HIVEP3: variants seen among roughly 807,000 people sequenced by gnomAD.
HIVEP3 encodes transcription factor HIVEP3.
Under a neutral mutation model 152.8 loss-of-function variants are expected in HIVEP3, and 49 were observed. The observed-to-expected ratio is 0.32, with a 90% CI of 0.26 to 0.41. The LOEUF (loss-of-function observed/expected upper bound fraction) is 0.41. HIVEP3 is among the 10% of genes least tolerant of loss of function. The pLI, the probability that HIVEP3 is intolerant of heterozygous loss-of-function variation, is 1.00. For synonymous variants in HIVEP3, 1,269 were observed against 1,289.0 expected, an observed-to-expected ratio of 0.98 and a Z score of 0.33; for missense variants, 2,790 against 3,103.3, an observed-to-expected ratio of 0.90 and a Z score of 2.40.
At chr1:41,912,193 A>T (rs1206252233) in intron 1 of HIVEP3, among the ~76,000 whole-genome samples, 1 of 152,188 alleles carries the variant, frequency 6.6e-6, no homozygotes, top group Admixed American at 6.5e-5. Flanking sequence ...GAAGAGAAGG[A>T]ATGGGATAGG....
At chr1:41,730,050 G>T in intron 1 of HIVEP3, among the ~76,000 whole-genome samples, 1 of 152,306 alleles carries the variant, frequency 6.6e-6, no homozygotes, top group Non-Finnish European at 1.5e-5. Context: ...GGGGTTGAGC[G>T]TGTTTAACCT....
intron 3 of HIVEP3, among the ~76,000 whole-genome samples, chr1:41,610,704 C>T (rs941380289): frequency 4.6e-5 from 7 of 152,142 alleles, no homozygotes; most frequent in Non-Finnish European, 8.8e-5. Flanking sequence ...CCAGGGAGCC[C>T]GGTTTAATTC....
intron 1 of HIVEP3, among the ~76,000 whole-genome samples, chr1:41,717,258 T>C (rs1444244875): frequency 6.6e-6 from 1 of 152,208 alleles, no homozygotes; most frequent in African/African-American, 2.4e-5. Context: ...TTTCCCTTAT[T>C]CCCTCCAACC....
At chr1:41,773,566 T>A (rs1648510342) in intron 1 of HIVEP3, among the ~76,000 whole-genome samples, 1 of 152,234 alleles carries the variant, frequency 6.6e-6, no homozygotes, top group Non-Finnish European at 1.5e-5. Flanking sequence ...GCTGTTTTGG[T>A]GCTCTGGCAC....
At position 41,791,582 on chromosome 1, in the gene HIVEP3, G is replaced by A. The variant is rs349438; in HGVS notation, c.-800-90587C>T. On this transcript the variant is annotated intron_variant, in intron 1 of 8. Coordinates refer to ENST00000372583, the MANE Select transcript of HIVEP3 (RefSeq NM_024503.5). ...AGAATGAAAATCATGCTCTATGGAT[G>A]GAGAGGCCAAAGAGAGAAGTTGCCT... Among the ~76,000 whole-genome samples the A allele has an allele frequency of 3.3e-3, 481 of 144,204 alleles. 3 individuals are homozygous for A. Among genetic ancestry groups the A allele is most frequent in the African/African-American group, 0.013 (464 of 36,928 alleles). 94.6% of individuals were successfully genotyped at this position (144,204 alleles called of 152,430 possible).
chr1:41,745,942 A>G (rs1171906561), intron 1 of HIVEP3, among the ~76,000 whole-genome samples: 1 of 152,198 alleles, frequency 6.6e-6, no homozygotes, highest in Non-Finnish European at 1.5e-5. Context: ...AGAATCCTCA[A>G]TCAGTATCTG....
intron 2 of HIVEP3, among the ~76,000 whole-genome samples, chr1:41,695,591 C>G (rs1213600298): frequency 6.6e-6 from 1 of 152,136 alleles, no homozygotes; most frequent in Middle Eastern, 3.2e-3. Flanking sequence ...CCAAGAGCCA[C>G]AGTAGAGATC....
intron 3 of HIVEP3, among the ~76,000 whole-genome samples, chr1:41,598,875 G>A (rs1196751013): frequency 6.6e-6 from 1 of 151,036 alleles, no homozygotes; most frequent in Non-Finnish European, 1.5e-5. Flanking sequence ...GAGTGTAATG[G>A]CACAATTTCA....
intron 1 of HIVEP3, among the ~76,000 whole-genome samples, chr1:42,001,961 T>C (rs1645430725): frequency 6.6e-6 from 1 of 152,046 alleles, no homozygotes; most frequent in African/African-American, 2.4e-5. Flanking sequence ...CCTGCACTTG[T>C]TCTGATTGGT....
In HIVEP3 at chr1:41,510,735, C is replaced by T. The variant is rs201422845; in HGVS notation, c.6937G>A (p.Asp2313Asn). 3.9e-4 allele frequency: 612 copies of T among 1,557,238 alleles called. 2 individuals carry two copies. In the African/African-American group the frequency reaches 6.0e-3, roughly 15 times the overall value. ...TPTHSPCTPP[D>N]TLPRPPQGRR... ...CCCTGGGGCGGCCGGGGCAAGGTGT[C>T]GGGTGGGGTGCAGGGGCTGTGCGTG... The change falls in exon 9 of 9, where the codon GAC (aspartate) becomes AAC (asparagine). Residue 2313 changes from aspartate to asparagine, a missense_variant. Transcript: ENST00000372583.
intron 1 of HIVEP3, among the ~76,000 whole-genome samples, chr1:41,729,851 G>A (rs557335449): frequency 1.3e-5 from 2 of 152,294 alleles, no homozygotes; most frequent in African/African-American, 2.4e-5. Context: ...TCTTGCTCTC[G>A]ACAGGAAGTG....
chr1:42,026,019 G>A (rs1160199309), intron 1 of HIVEP3, among the ~76,000 whole-genome samples: 7 of 151,976 alleles, frequency 4.6e-5, no homozygotes, highest in South Asian at 2.1e-4. Context: ...GCAGTGAGCC[G>A]TGATCGTGGC....
chr1:42,003,858 G>A (rs1051678178), intron 1 of HIVEP3, among the ~76,000 whole-genome samples: 2 of 151,966 alleles, frequency 1.3e-5, no homozygotes, highest in Non-Finnish European at 2.9e-5. Flanking sequence ...CATGCCTCTG[G>A]GGGAGACATA....
At chr1:41,629,015 TC>T (rs1645156724) in intron 2 of HIVEP3, 68 bp from the exon 3 acceptor site, 1 of 1,156,046 alleles carries the variant, frequency 8.7e-7, no homozygotes, top group Non-Finnish European at 1.1e-6. Context: ...CACAGAACAA[TC>T]CCTGCCTGGT....
intron 1 of HIVEP3, among the ~76,000 whole-genome samples, chr1:41,712,496 G>A (rs1439634285): frequency 1.3e-5 from 2 of 152,238 alleles, no homozygotes; most frequent in African/African-American, 4.8e-5. Context: ...AACAAAGCAG[G>A]GTAAGGGGAC....
At chr1:41,838,693 T>G (rs1338895972) in intron 1 of HIVEP3, among the ~76,000 whole-genome samples, 1 of 152,240 alleles carries the variant, frequency 6.6e-6, no homozygotes, top group Admixed American at 6.5e-5. Flanking sequence ...CGAGCCTCAG[T>G]TTTCTCATCT....
chr1:41,938,645 T>C (rs1463902794), intron 1 of HIVEP3, among the ~76,000 whole-genome samples: 2 of 152,212 alleles, frequency 1.3e-5, no homozygotes, highest in Admixed American at 6.5e-5. Context: ...CCTCCAGGCA[T>C]AAAAGCAAAT....
intron 1 of HIVEP3, among the ~76,000 whole-genome samples, chr1:41,867,685 C>T (rs1644003364): frequency 6.6e-6 from 1 of 152,198 alleles, no homozygotes; most frequent in African/African-American, 2.4e-5. Context: ...GTCTCACCTG[C>T]CCATACTCAT....
In HIVEP3 at chr1:41,582,702, A is replaced by G; in HGVS notation, c.2096T>C (p.Met699Thr). The G allele has an allele frequency of 6.2e-7, 1 of 1,614,062 alleles. No homozygotes were observed. The highest frequency in any genetic ancestry group is 8.5e-7 in the Non-Finnish European group (1 of 1,179,978). ...CAGGGTGGTTCCCAGTTTGTAATGCATCATTTGGGACCACGGCTCATGCTC... is the reference window on the plus strand; with the variant it reads ...CAGGGTGGTTCCCAGTTTGTAATGCGTCATTTGGGACCACGGCTCATGCTC... The part of the protein sequence containing the change: ...QIEHEPWSQM[M>T]HYKLGTTLEL... The change falls in exon 4 of 9, where the codon ATG (methionine) becomes ACG (threonine). Residue 699 changes from methionine to threonine, a missense_variant. Physicochemically the swap from Met to Thr is moderately conservative, Grantham distance 81. Coordinates refer to ENST00000372583, the MANE Select transcript of HIVEP3 (RefSeq NM_024503.5). This position sits in a 1 kb window ranked among gnomAD's most constrained non-coding sequence, Gnocchi z 4.7.
Sources: allele counts gnomAD v4.1 joint callset (sites outside exome capture counted in the v4.1 genomes callset), GRCh38; gene constraint gnomAD v4.1.1; non-coding constraint Gnocchi (gnomAD v3.1); transcripts MANE v1.5; gene names NCBI Gene and HGNC (gene_info 2026-07-23, HGNC 2026-07-21).